The following POLK variants were observed in gnomAD, a reference collection of about 807,000 sequenced individuals.
The protein encoded by POLK is polymerase (DNA directed) kappa.
POLK carries 76 observed loss-of-function variants against 94.0 expected under a neutral mutation model. The observed-to-expected ratio is 0.81, with a 90% CI of 0.67 to 0.98. The LOEUF (loss-of-function observed/expected upper bound fraction) is 0.98, where lower values mean the gene tolerates loss of function less well. POLK is among the 50% of genes least tolerant of loss of function. The pLI, the probability that POLK is intolerant of heterozygous loss-of-function variation, is 0.00. For missense variants in POLK, 954 were observed against 1,010.1 expected (o/e 0.94, Z 0.75); for synonymous variants, 349 against 325.4 (o/e 1.07, Z -0.78).
chr5:75,527,764 T>C (rs1296105023), intron 1 of POLK, among the ~76,000 whole-genome samples: 1 of 152,152 alleles, frequency 6.6e-6, no homozygotes, highest in Non-Finnish European at 1.5e-5. Flanking sequence ...GGTAAGAAGG[T>C]AAGAAGACCA....
chr5:75,594,150 A>G lies in POLK; in HGVS notation c.1528+101A>G, dbSNP rs116815432. The G allele has an allele frequency of 4.1e-3, 2,999 of 730,862 alleles. 60 individuals are homozygous for G. The African/African-American group carries it at 0.046, about 11-fold the overall frequency. The allele number at this position is 730,862 out of a possible 1,614,324, so 45.3% of individuals were successfully genotyped here. On this transcript the variant is annotated intron_variant, in intron 12 of 14. Transcript: ENST00000241436. Reference sequence around the variant, plus strand: ...GGGCCCCCAACTTAACAATGGTTCAACTTAATGATTTTTCAACTTTGCGAC... The same window carrying G: ...GGGCCCCCAACTTAACAATGGTTCAGCTTAATGATTTTTCAACTTTGCGAC...
chr5:75,598,576 T>C (rs529151717), exon 15 of POLK: 3 of 152,704 alleles, frequency 2.0e-5, no homozygotes, highest in East Asian at 3.9e-4. Flanking sequence ...TTAATTTGGC[T>C]TTTCTTATTT....
At chr5:75,511,753 C>T (rs996009657), upstream of POLK, 1 of 1,551,134 alleles carries the variant, frequency 6.4e-7, no homozygotes, top group Admixed American at 2.0e-5. Flanking sequence ...TCCTCCCGAA[C>T]CCTACCTCCG....
chr5:75,575,326 T>C (rs1771817166), intron 5 of POLK, among the ~76,000 whole-genome samples: 1 of 152,164 alleles, frequency 6.6e-6, no homozygotes, highest in Non-Finnish European at 1.5e-5. Context: ...TTGACAGGCA[T>C]GCATCACCAC....
chr5:75,511,234 C>G, upstream of POLK: 1 of 1,610,360 alleles, frequency 6.2e-7, no homozygotes, highest in Non-Finnish European at 8.5e-7. Context: ...AGCAGGAGAC[C>G]GGCCCCCGCT....
intron 1 of POLK, among the ~76,000 whole-genome samples, chr5:75,534,541 A>G (rs953923516): frequency 1.3e-5 from 2 of 152,022 alleles, no homozygotes; most frequent in Non-Finnish European, 2.9e-5. Context: ...TGCCTCAATG[A>G]TATGTCTAAT....
At chr5:75,590,019 A>T (rs1279548219) in intron 10 of POLK, among the ~76,000 whole-genome samples, 3 of 152,202 alleles carry the variant, frequency 2.0e-5, no homozygotes, top group Non-Finnish European at 2.9e-5. Context: ...AATAAAGTCT[A>T]TATATACATA....
chr5:75,586,924 A>G (rs1298659341), intron 9 of POLK, 102 bp from the exon 10 acceptor site: 1 of 767,650 alleles, frequency 1.3e-6, no homozygotes, highest in Non-Finnish European at 2.1e-6. Context: ...TTTAATAAAA[A>G]ATTTGAGAGC....
chr5:75,582,096 T>G, intron 7 of POLK: 2 of 986,226 alleles, frequency 2.0e-6, no homozygotes, highest in South Asian at 4.7e-5. Flanking sequence ...AAGATTACAT[T>G]GCAGGAGAGA....
chr5:75,596,641 C>T (rs1198080400), exon 13 of POLK: 2 of 1,613,982 alleles, frequency 1.2e-6, no homozygotes, highest in Non-Finnish European at 1.7e-6. Context: ...TCTTGATGGA[C>T]CTTCAATCAG....
chr5:75,564,847 T>C (rs914916758), intron 3 of POLK, among the ~76,000 whole-genome samples: 15 of 152,176 alleles, frequency 9.9e-5, no homozygotes, highest in African/African-American at 3.1e-4. Context: ...GTGAATCTGA[T>C]GATTATGTGT....
At chr5:75,527,587 G>A (rs1336775802) in intron 1 of POLK, among the ~76,000 whole-genome samples, 3 of 151,458 alleles carry the variant, frequency 2.0e-5, no homozygotes, top group Admixed American at 6.6e-5. Context: ...ATGTGTGTGT[G>A]TATATATATA....
upstream of POLK, chr5:75,511,302 G>T (rs1767977814): frequency 3.2e-6 from 5 of 1,557,020 alleles, no homozygotes; most frequent in Non-Finnish European, 4.3e-6. Flanking sequence ...GGGGGATGGC[G>T]AAGCGAAGAG....
chr5:75,570,886 T>C (rs1327703662), intron 4 of POLK, among the ~76,000 whole-genome samples: 1 of 152,172 alleles, frequency 6.6e-6, no homozygotes, highest in Non-Finnish European at 1.5e-5. Flanking sequence ...CCTCTGTGAG[T>C]ATGCAGGCAG....
chr5:75,596,090 T>C, intron 12 of POLK, 132 bp from the exon 13 acceptor site: 1 of 603,492 alleles, frequency 1.7e-6, no homozygotes, highest in East Asian at 2.7e-5. Context: ...AATACCAGCT[T>C]TGAAATGTTA....
chr5:75,586,768 G>A (rs1241837536), intron 9 of POLK, among the ~76,000 whole-genome samples: 4 of 152,064 alleles, frequency 2.6e-5, no homozygotes, highest in Non-Finnish European at 4.4e-5. Flanking sequence ...GTTTTTAATA[G>A]AAGCAATTTC....
intron 1 of POLK, among the ~76,000 whole-genome samples, chr5:75,538,415 T>G (rs1450335441): frequency 6.6e-6 from 1 of 152,236 alleles, no homozygotes; most frequent in African/African-American, 2.4e-5. Context: ...ATTGTGATAG[T>G]TTGATGAACT....
At chr5:75,599,126 C>A (rs1163403221) in exon 15 of POLK, 1 of 151,970 alleles carries the variant, frequency 6.6e-6, no homozygotes. Flanking sequence ...GTGGCACACG[C>A]CTGTAATCCC....
At chr5:75,541,108 A>G (rs2112609881) in intron 1 of POLK, among the ~76,000 whole-genome samples, 1 of 152,022 alleles carries the variant, frequency 6.6e-6, no homozygotes. Flanking sequence ...ACATGGAGAA[A>G]CCCCGTCTCT....
Sources: gnomAD v4.1 joint callset for allele counts (sites outside exome capture counted in the v4.1 genomes callset) on GRCh38, gnomAD v4.1.1 for gene constraint, MANE v1.5 for transcripts, NCBI Gene and HGNC (gene_info 2026-07-23, HGNC 2026-07-21) for gene names.